The following SLC22A16 variants were observed in gnomAD, a reference collection of about 807,000 sequenced individuals.
The protein encoded by SLC22A16 is solute carrier family 22 member 16, also known as WUGSC:RG331P03.1.
Under a neutral mutation model 52.9 loss-of-function variants are expected in SLC22A16, and 53 were observed. The observed-to-expected ratio is 1.00, with a 90% CI of 0.80 to 1.26. SLC22A16 has a LOEUF of 1.26. Among genes scored for constraint, SLC22A16 ranks in the 50% most tolerant of loss-of-function variants. The pLI is 0.00. For synonymous variants in SLC22A16, 291 were observed against 268.8 expected (o/e 1.08, Z -0.81); for missense variants, 726 against 704.0 (o/e 1.03, Z -0.35).
Position 110,442,528 on chromosome 6 carries a change from C to A in SLC22A16, c.899G>T (p.Arg300Leu), listed in dbSNP as rs140000057. The change falls in exon 4 of 8, where the codon CGA becomes CTA. Residue 300 changes from arginine to leucine, a missense_variant. By Grantham distance (102) the Arg-to-Leu change is moderately radical. Coordinates refer to ENST00000368919, the MANE Select transcript of SLC22A16 (RefSeq NM_033125.4). Reference sequence around the variant, plus strand: ...AACTATTTTTTGTGCTTCTTCATATCGTCCCTCTGAGAGAAGCCAAAAAGG... The same window carrying A: ...AACTATTTTTTGTGCTTCTTCATATAGTCCCTCTGAGAGAAGCCAAAAAGG... ...ETPFWLLSEG[R>L]YEEAQKIVDI... 6.2e-7 allele frequency: 1 copy of A among 1,614,146 alleles called. No individual in the cohort carries two copies. The highest frequency in any genetic ancestry group is 8.5e-7 in the Non-Finnish European group (1 of 1,180,030).
rs758558419 is a variant in SLC22A16 at position 110,456,685 on chromosome 6, T to C, written c.386A>G (p.Tyr129Cys). ...SKKEFPCVDG[Y>C]IYDQNTWKST... ...TTTCCATGTGTTCTGGTCATATATG[T>C]AGCCATCCACACAAGGAAACTCTTT... is the stretch of plus-strand genomic sequence containing the variant. Residue 129 changes from tyrosine (Y) to cysteine (C), a missense_variant, in exon 2 of 8, where the codon TAC becomes TGC. Tyr to Cys is a radical substitution (Grantham distance 194, BLOSUM62 -2). Transcript: ENST00000368919. 6.2e-7 allele frequency: 1 copy of C among 1,614,218 alleles called. No homozygotes were observed. The highest frequency in any genetic ancestry group is 1.1e-5 in the South Asian group (1 of 91,088).
intron 1 of SLC22A16, among the ~76,000 whole-genome samples, chr6:110,462,070 A>C (rs141534112): frequency 0.018 from 2,790 of 152,312 alleles, 41 homozygotes; most frequent in Middle Eastern, 0.037. Flanking sequence ...TGTGCAGAGA[A>C]ACTCCCATTT....
Position 110,435,958 on chromosome 6 carries a change from G to A in SLC22A16, c.1315C>T (p.His439Tyr), listed in dbSNP as rs1301962007. 1 of 1,610,426 alleles carries A rather than the reference G, an allele frequency of 6.2e-7. No individual in the cohort carries two copies. The highest frequency in any genetic ancestry group is 8.5e-7 in the Non-Finnish European group (1 of 1,177,836). The change falls in exon 6 of 8, where the codon CAT becomes TAT. Residue 439 changes from histidine (H) to tyrosine (Y), a missense_variant. Coordinates refer to ENST00000368919, the MANE Select transcript of SLC22A16 (RefSeq NM_033125.4). ...GCTGTCACCACACCCAAAATATAAT[G>A]TTTCTGAAAAAAATTTAGCAGAATA... ...CGVVMVIPQKHYILGVVTAMV... is the reference protein window; with the variant it reads ...CGVVMVIPQKYYILGVVTAMV...
chr6:110,454,826 ATATAATATATATAT>A, intron 2 of SLC22A16, among the ~76,000 whole-genome samples: 1 of 76,056 alleles, frequency 1.3e-5, no homozygotes, highest in South Asian at 3.0e-4. Context: ...ATGTTATATT[ATATAATATATATAT>A]TATAATATAT....
In SLC22A16 at chr6:110,442,712, G is replaced by A. The variant is rs773073104; in HGVS notation, c.715C>T (p.Arg239Trp). Reference protein sequence around the residue: ...YVMEFIGMKSRTWASVHLHSF... With the variant: ...YVMEFIGMKSWTWASVHLHSF... ...TGCAAATGGACAGACGCCCATGTCC[G>A]AGACTTCATGCCAATGAATTCCATC... The change falls in exon 4 of 8, where the codon CGG becomes TGG. Residue 239 changes from arginine (R) to tryptophan (W), a missense_variant. Arg to Trp is a moderately radical substitution (Grantham distance 101). Coordinates refer to ENST00000368919, the MANE Select transcript of SLC22A16 (RefSeq NM_033125.4). 15 of 1,614,110 alleles carry A rather than the reference G, an allele frequency of 9.3e-6. No individual in the cohort carries two copies. The highest frequency in any genetic ancestry group is 2.2e-5 in the East Asian group (1 of 44,888).
chr6:110,476,613 C>G lies in SLC22A16; in HGVS notation c.-39G>C, dbSNP rs774864963. 3.1e-5 allele frequency: 47 copies of G among 1,513,928 alleles called. No individual in the cohort carries two copies. Among genetic ancestry groups the G allele is most frequent in the Non-Finnish European group, 4.0e-5 (45 of 1,131,306 alleles). 93.8% of individuals were successfully genotyped at this position (1,513,928 alleles called of 1,614,324 possible). A position where few individuals can be genotyped will look rare whatever the true frequency, so the allele number is the denominator to read the frequency against. On this transcript the variant is annotated 5_prime_UTR_variant, in exon 1 of 8. Coordinates refer to ENST00000368919, the MANE Select transcript of SLC22A16 (RefSeq NM_033125.4). Reference sequence around the variant, plus strand: ...ACTGGGCGCCGAGTTAGCCGAGCTCCGGGGACTGCGGGTAGCGCGCCCCGC... The same window carrying G: ...ACTGGGCGCCGAGTTAGCCGAGCTCGGGGGACTGCGGGTAGCGCGCCCCGC...
intron 4 of SLC22A16, 122 bp downstream of exon 4, chr6:110,442,122 C>T: frequency 1.1e-6 from 1 of 898,694 alleles, no homozygotes; most frequent in Non-Finnish European, 1.7e-6. Context: ...AGTATTGTTC[C>T]TGGTTTTAAA....
At chr6:110,465,229 A>G (rs1283145929) in intron 1 of SLC22A16, among the ~76,000 whole-genome samples, 1 of 152,128 alleles carries the variant, frequency 6.6e-6, no homozygotes, top group Non-Finnish European at 1.5e-5. Flanking sequence ...CCTCTTCAGA[A>G]CTAGAACAAG....
intron 1 of SLC22A16, among the ~76,000 whole-genome samples, chr6:110,470,467 C>A (rs1256759379): frequency 6.6e-6 from 1 of 152,066 alleles, no homozygotes; most frequent in Non-Finnish European, 1.5e-5. Context: ...AGCATGACCT[C>A]CCACCCTCTT....
At chr6:110,442,796 A>G (rs1236265119) in intron 3 of SLC22A16, 21 bp from the exon 4 acceptor site, 5 of 1,599,728 alleles carry the variant, frequency 3.1e-6, no homozygotes, top group Non-Finnish European at 4.3e-6. Flanking sequence ...AATAATAGGG[A>G]TTTATATTCA....
chr6:110,472,847 C>T (rs1776306448), intron 1 of SLC22A16, among the ~76,000 whole-genome samples: 1 of 152,168 alleles, frequency 6.6e-6, no homozygotes, highest in Admixed American at 6.5e-5. Context: ...AAAGCAAGGG[C>T]GGCCAGAAGC....
chr6:110,444,320 A>G (rs758967095), intron 3 of SLC22A16, among the ~76,000 whole-genome samples: 1 of 152,174 alleles, frequency 6.6e-6, no homozygotes, highest in Non-Finnish European at 1.5e-5. Context: ...AAATTTTTTC[A>G]TATTTGACTT....
intron 1 of SLC22A16, among the ~76,000 whole-genome samples, chr6:110,461,600 G>A (rs1775886756): frequency 6.6e-6 from 1 of 152,096 alleles, no homozygotes; most frequent in Non-Finnish European, 1.5e-5. Flanking sequence ...TATGAGATAA[G>A]CTTCCTGAGA....
Position 110,476,507 on chromosome 6 carries a change from G to A in SLC22A16, c.53+15C>T, listed in dbSNP as rs62421710. On this transcript the variant is annotated intron_variant, in intron 1 of 7. Coordinates refer to ENST00000368919, the MANE Select transcript of SLC22A16 (RefSeq NM_033125.4). ...GCCGCCTCCCGCGTGGCGCCGCGGG[G>A]CCCCTCCCCCATACCTGCCGAAGTG... The A allele has an allele frequency of 9.3e-6, 10 of 1,073,484 alleles. No homozygotes were observed. The East Asian group carries it at 1.9e-4, about 21-fold the overall frequency. The allele number at this position is 1,073,484 out of a possible 1,614,324, so 66.5% of individuals were successfully genotyped here.
At position 110,449,722 on chromosome 6, in the gene SLC22A16, G is replaced by C. The variant is rs186932656; in HGVS notation, c.534-2732C>G. 5.3e-3 allele frequency among the ~76,000 whole-genome samples: 800 copies of C among 152,196 alleles called. 1 individual carries two copies. The highest frequency in any genetic ancestry group is 0.02 in the Middle Eastern group (6 of 294). On this transcript the variant is annotated intron_variant, in intron 2 of 7. Transcript: ENST00000368919. ...TTCGTCATCAGATTATGTGAGTTTA[G>C]AAATGCCTCCCAAATATGTCTTCAT... is the stretch of plus-strand genomic sequence containing the variant.
rs1554229887 is a variant in SLC22A16, at chr6:110,476,507, G to GCCCCCCCCCCCCCCCC, written c.53+14_53+15insGGGGGGGGGGGGGGGG. 1.5e-5 allele frequency: 16 copies of GCCCCCCCCCCCCCCCC among 1,072,984 alleles called. No homozygotes were observed. The African/African-American group carries it at 3.9e-4, about 26-fold the overall frequency. The allele number at this position is 1,072,984 out of a possible 1,614,324, so 66.5% of individuals were successfully genotyped here. On this transcript the variant is annotated intron_variant, in intron 1 of 7. Transcript: ENST00000368919. The stretch of plus-strand genomic sequence containing the variant: ...GCCGCCTCCCGCGTGGCGCCGCGGG[G>GCCCCCCCCCCCCCCCC]CCCCTCCCCCATACCTGCCGAAGTG...
chr6:110,462,474 A>T (rs925990028), intron 1 of SLC22A16, among the ~76,000 whole-genome samples: 1 of 152,204 alleles, frequency 6.6e-6, no homozygotes, highest in Non-Finnish European at 1.5e-5. Context: ...GAAAGACAAA[A>T]TAGATATATT....
rs1554229887 is a variant in SLC22A16 at position 110,476,507 on chromosome 6, G to GCCCCCCCCCCCCCCCCCCCCCCCCCC, written c.53+14_53+15insGGGGGGGGGGGGGGGGGGGGGGGGGG. On this transcript the variant is annotated intron_variant, in intron 1 of 7. Transcript: ENST00000368919. The stretch of plus-strand genomic sequence containing the variant: ...GCCGCCTCCCGCGTGGCGCCGCGGG[G>GCCCCCCCCCCCCCCCCCCCCCCCCCC]CCCCTCCCCCATACCTGCCGAAGTG... 9.3e-7 allele frequency: 1 copy of GCCCCCCCCCCCCCCCCCCCCCCCCCC among 1,072,998 alleles called. No individual in the cohort carries two copies. Among genetic ancestry groups the GCCCCCCCCCCCCCCCCCCCCCCCCCC allele is most frequent in the African/African-American group, 2.8e-5 (1 of 35,466 alleles). The allele number at this position is 1,072,998 out of a possible 1,614,324, so 66.5% of individuals were successfully genotyped here. A position where few individuals can be genotyped will look rare whatever the true frequency, so the allele number is the denominator to read the frequency against.
chr6:110,450,817 C>A (rs1249572698), intron 2 of SLC22A16, among the ~76,000 whole-genome samples: 2 of 151,944 alleles, frequency 1.3e-5, no homozygotes, highest in Non-Finnish European at 2.9e-5. Context: ...GCCTAGAAAT[C>A]ACAACCCAAG....
Sources: gnomAD v4.1 joint callset for allele counts (sites outside exome capture counted in the v4.1 genomes callset) on GRCh38, gnomAD v4.1.1 for gene constraint, MANE v1.5 for transcripts, NCBI Gene and HGNC (gene_info 2026-07-23, HGNC 2026-07-21) for gene names.